IFT74: variants seen among roughly 807,000 people sequenced by gnomAD.
The protein encoded by IFT74 is intraflagellar transport protein 74 homolog.
In IFT74, 92 loss-of-function variants were observed where a neutral mutation model predicts 96.7. The observed-to-expected ratio is 0.95, with a 90% CI of 0.80 to 1.13. IFT74 has a LOEUF of 1.13. IFT74 is among the 50% of genes most tolerant of loss of function. The probability of loss-of-function intolerance (pLI) is 0.00; values close to 1 mark genes in which losing one functional copy is unlikely to be tolerated. For missense variants in IFT74, 811 were observed against 698.2 expected (o/e 1.16, Z -1.82); for synonymous variants, 223 against 213.2 (o/e 1.05, Z -0.40).
At chr9:26,990,249 T>TCCTAA in intron 8 of IFT74, 54 bp downstream of exon 8, 1 of 889,434 alleles carries the variant, frequency 1.1e-6, no homozygotes. Context: ...ATTAGGTAGT[T>TCCTAA]TAAGTTGTGA....
rs753783273 is a variant in IFT74 at position 27,055,756 on chromosome 9, G to A, written c.1481G>A (p.Gly494Asp). ...GATTTGCCAGCTTTAAAATCATCAGGTGAAGAAAAGATAAAGGTAAATGTT... is the reference window on the plus strand; with the variant it reads ...GATTTGCCAGCTTTAAAATCATCAGATGAAGAAAAGATAAAGGTAAATGTT... ...YNDLPALKSSGEEKIKKLHQE... is the reference protein window; with the variant it reads ...YNDLPALKSSDEEKIKKLHQE... The change falls in exon 17 of 20, where the codon GGT becomes GAT. Residue 494 changes from glycine to aspartate, a missense_variant. Coordinates refer to ENST00000380062, the MANE Select transcript of IFT74 (RefSeq NM_025103.4). 3.2e-6 allele frequency: 5 copies of A among 1,540,314 alleles called. No individual in the cohort carries two copies. The highest frequency in any genetic ancestry group is 2.3e-5 in the Admixed American group (1 of 43,976).
At chr9:27,025,576 A>G (rs1200740316) in intron 12 of IFT74, among the ~76,000 whole-genome samples, 4 of 152,176 alleles carry the variant, frequency 2.6e-5, no homozygotes, top group African/African-American at 9.7e-5. Flanking sequence ...AAAGAATCTT[A>G]AGAGCTATGA....
In IFT74 at chr9:27,063,638, C is replaced by A. The variant is rs1330136599; in HGVS notation, c.*902C>A. ...ATTACTTAAAACTATCCTGTTTTTG[C>A]TCTGATATCATGTTCACTAAGTAAC... On this transcript the variant is annotated 3_prime_UTR_variant, in exon 20 of 20. Coordinates refer to ENST00000380062, the MANE Select transcript of IFT74 (RefSeq NM_025103.4). Among the ~76,000 whole-genome samples, 1 of 152,198 alleles carries A rather than the reference C, an allele frequency of 6.6e-6. No homozygotes were observed. Among genetic ancestry groups the A allele is most frequent in the East Asian group, 1.9e-4 (1 of 5,188 alleles).
In IFT74 at chr9:27,036,541, G is replaced by A. The variant is rs747352691; in HGVS notation, c.1054+7437G>A. 19 of 1,610,296 alleles carry A rather than the reference G, an allele frequency of 1.2e-5. No individual in the cohort carries two copies. In the Admixed American group the frequency reaches 2.7e-4, roughly 23 times the overall value. On this transcript the variant is annotated intron_variant, in intron 13 of 19. Coordinates refer to ENST00000380062, the MANE Select transcript of IFT74 (RefSeq NM_025103.4). ...CCTGCCATGTGCTAAGCACTATGCT[G>A]AATCCATTTGAACTGAAGAATACCC... is the stretch of plus-strand genomic sequence containing the variant.
At chr9:27,045,559 A>G (rs1343222060) in intron 14 of IFT74, among the ~76,000 whole-genome samples, 3 of 151,946 alleles carry the variant, frequency 2.0e-5, no homozygotes, top group Non-Finnish European at 4.4e-5. Flanking sequence ...GCCTTTTGTT[A>G]GTTTTGATTC....
intron 13 of IFT74, among the ~76,000 whole-genome samples, chr9:27,039,546 A>T (rs1193654144): frequency 6.6e-6 from 1 of 152,180 alleles, no homozygotes; most frequent in African/African-American, 2.4e-5. Flanking sequence ...AATAAAAATA[A>T]AACAAAAAGT....
intron 8 of IFT74, among the ~76,000 whole-genome samples, chr9:26,990,606 T>G (rs1827821590): frequency 6.6e-6 from 1 of 152,184 alleles, no homozygotes; most frequent in Admixed American, 6.6e-5. Context: ...ATTTAATAGT[T>G]ATATTAGCAA....
In IFT74 at chr9:26,967,063, A is replaced by G. The variant is rs537300535; in HGVS notation, c.120+4976A>G. 3.5e-3 allele frequency among the ~76,000 whole-genome samples: 511 copies of G among 144,410 alleles called. 4 individuals carry two copies. The highest frequency in any genetic ancestry group is 0.013 in the African/African-American group (490 of 38,950). 94.7% of individuals were successfully genotyped at this position (144,410 alleles called of 152,430 possible). A position where few individuals can be genotyped will look rare whatever the true frequency, so the allele number is the denominator to read the frequency against. The stretch of plus-strand genomic sequence containing the variant: ...CTTTTCCTTTTTTTTTTAATTCAGG[A>G]TGGGTTTGGCTATCCTAGATCTTTT... On this transcript the variant is annotated intron_variant, in intron 2 of 19. Coordinates refer to ENST00000380062, the MANE Select transcript of IFT74 (RefSeq NM_025103.4).
chr9:27,005,760 TAGA>T (rs1436676725), intron 8 of IFT74: 1 of 152,176 alleles, frequency 6.6e-6, no homozygotes, highest in Admixed American at 6.5e-5. Context: ...AAAGATTGAC[TAGA>T]AGAATAATTT....
At chr9:27,054,851 T>A (rs1469469401) in intron 16 of IFT74, among the ~76,000 whole-genome samples, 1 of 152,202 alleles carries the variant, frequency 6.6e-6, no homozygotes, top group Non-Finnish European at 1.5e-5. Flanking sequence ...CTGTTGGTGA[T>A]CATGCCATTT....
Position 27,064,933 on chromosome 9 carries a change from A to G in IFT74, c.*2197A>G, listed in dbSNP as rs567544854. Among the ~76,000 whole-genome samples the G allele has an allele frequency of 6.6e-6, 1 of 152,190 alleles. No individual in the cohort carries two copies. Among genetic ancestry groups the G allele is most frequent in the African/African-American group, 2.4e-5 (1 of 41,554 alleles). On this transcript the variant is annotated 3_prime_UTR_variant, in exon 20 of 20. Coordinates refer to ENST00000380062, the MANE Select transcript of IFT74 (RefSeq NM_025103.4). Reference sequence around the variant, plus strand: ...TCTGTGATGTACATTTAATACTTAGAAATGCAATAAAATTCAAATAAAGTA... The same window carrying G: ...TCTGTGATGTACATTTAATACTTAGGAATGCAATAAAATTCAAATAAAGTA...
intron 16 of IFT74, among the ~76,000 whole-genome samples, chr9:27,052,855 C>A (rs1006131027): frequency 1.3e-4 from 20 of 151,440 alleles, no homozygotes; most frequent in African/African-American, 4.9e-4. Flanking sequence ...TAGTGTACTC[C>A]ATGTTGTTGT....
At chr9:27,004,438 C>T (rs1157804680) in intron 8 of IFT74, among the ~76,000 whole-genome samples, 2 of 152,146 alleles carry the variant, frequency 1.3e-5, no homozygotes. Context: ...TGAGAGTTTT[C>T]ACATATTTGT....
At position 26,956,499 on chromosome 9, in the gene IFT74, C is replaced by T. The variant is rs1826104758; in HGVS notation, c.-37C>T. On this transcript the variant is annotated 5_prime_UTR_variant, in exon 1 of 20. Transcript: ENST00000380062. Reference sequence around the variant, plus strand: ...CACCCGCGAGCCGGGCAACTGCCCTCCTTCCGCGCCGGCGGAGGTGAGAAT... The same window carrying T: ...CACCCGCGAGCCGGGCAACTGCCCTTCTTCCGCGCCGGCGGAGGTGAGAAT... 6.6e-6 allele frequency: 1 copy of T among 152,388 alleles called. No individual in the cohort carries two copies. The highest frequency in any genetic ancestry group is 2.4e-5 in the African/African-American group (1 of 41,486). The allele number at this position is 152,388 out of a possible 1,614,324, so 9.4% of individuals were successfully genotyped here.
intron 16 of IFT74, 78 bp downstream of exon 16, chr9:27,048,352 C>T: frequency 2.0e-6 from 2 of 1,013,910 alleles, no homozygotes; most frequent in South Asian, 2.2e-5. Flanking sequence ...TTTAAAGCCT[C>T]ATTGACAGAG....
At position 26,984,282 on chromosome 9, in the gene IFT74, G is replaced by C; in HGVS notation, c.331G>C (p.Glu111Gln). 1.3e-6 allele frequency: 2 copies of C among 1,567,858 alleles called. No individual in the cohort carries two copies. The highest frequency in any genetic ancestry group is 1.7e-6 in the Non-Finnish European group (2 of 1,155,400). ...LRSKISELTT[E>Q]VNKLQKGIEM... Reference sequence around the variant, plus strand: ...AAGTAAAATAAGTGAACTTACAACTGAAGTTAATAAACTTCAGAAGGGAAT... The same window carrying C: ...AAGTAAAATAAGTGAACTTACAACTCAAGTTAATAAACTTCAGAAGGGAAT... The change falls in exon 5 of 20, where the codon GAA becomes CAA. Residue 111 changes from glutamate (E) to glutamine (Q), a missense_variant. Transcript: ENST00000380062.
rs1820530373 is a variant in IFT74, at chr9:27,063,915, A to T, written c.*1179A>T. On this transcript the variant is annotated 3_prime_UTR_variant, in exon 20 of 20. Transcript: ENST00000380062. ...CATTCATTAAGGTAGCATTCATAAA[A>T]TGTGTTCCATAAATCCTGAGCATCT... Among the ~76,000 whole-genome samples, 1 of 152,132 alleles carries T rather than the reference A, an allele frequency of 6.6e-6. No homozygotes were observed. Among genetic ancestry groups the T allele is most frequent in the Non-Finnish European group, 1.5e-5 (1 of 67,976 alleles).
intron 16 of IFT74, among the ~76,000 whole-genome samples, chr9:27,051,958 CTAAA>C (rs1019240722): frequency 2.0e-5 from 3 of 152,234 alleles, no homozygotes; most frequent in African/African-American, 4.8e-5. Context: ...TTTCTATAAA[CTAAA>C]TAATTTTATA....
upstream of IFT74, among the ~76,000 whole-genome samples, chr9:26,954,981 A>G (rs1826034596): frequency 6.6e-6 from 1 of 152,126 alleles, no homozygotes; most frequent in South Asian, 2.1e-4. Context: ...CATCATGAAA[A>G]AGAAATGGGG....
Sources: gnomAD v4.1 joint callset for allele counts (sites outside exome capture counted in the v4.1 genomes callset) on GRCh38, gnomAD v4.1.1 for gene constraint, MANE v1.5 for transcripts, NCBI Gene and HGNC (gene_info 2026-07-23, HGNC 2026-07-21) for gene names.